BCL2: variants seen among roughly 807,000 people sequenced by gnomAD.
BCL2 encodes the protein BCL2 apoptosis regulator.
In BCL2, 1 loss-of-function variant was observed where a neutral mutation model predicts 14.2. The ratio of observed to expected loss-of-function variants is 0.07; its 90% CI spans 0.02 to 0.33. The LOEUF is 0.33. Among genes scored for constraint, BCL2 ranks in the 10% least tolerant of loss-of-function variants. BCL2 has a pLI of 0.99. For missense variants in BCL2, 247 were observed against 305.9 expected (o/e 0.81, Z 1.44); for synonymous variants, 151 against 137.2 (o/e 1.10, Z -0.70).
intron 2 of BCL2, among the ~76,000 whole-genome samples, chr18:63,148,582 C>T (rs913314762): frequency 2.0e-5 from 3 of 152,004 alleles, no homozygotes; most frequent in African/African-American, 7.3e-5. Context: ...CAGGAGTAAA[C>T]CTCTCAATGA....
chr18:63,291,731 T>TC (rs977705807), intron 2 of BCL2, among the ~76,000 whole-genome samples: 19 of 151,968 alleles, frequency 1.3e-4, no homozygotes, highest in African/African-American at 1.9e-4. Flanking sequence ...TATTTCTTTT[T>TC]TTTTTTTTCT....
intron 2 of BCL2, among the ~76,000 whole-genome samples, chr18:63,152,363 C>T (rs2144609476): frequency 6.6e-6 from 1 of 152,308 alleles, no homozygotes; most frequent in East Asian, 1.9e-4. Context: ...CTTGGCAACA[C>T]CTCGTTTGCC....
chr18:63,210,081 C>T (rs569899626), intron 2 of BCL2, among the ~76,000 whole-genome samples: 1 of 152,282 alleles, frequency 6.6e-6, no homozygotes, highest in African/African-American at 2.4e-5. Context: ...AGGAAGAAAC[C>T]ATCCAGCTTG....
rs535733170 is a variant in BCL2, at chr18:63,300,745, G to A, written c.585+17337C>T. ...TAAGATTGTCCTGTGCTACGATCCA[G>A]CGAGAACTCCAGGAGCCGTAGAGAT... is the stretch of plus-strand genomic sequence containing the variant. On this transcript the variant is annotated intron_variant, in intron 2 of 2. Coordinates refer to ENST00000333681, the MANE Select transcript of BCL2 (RefSeq NM_000633.3). Among the ~76,000 whole-genome samples, 3 of 152,250 alleles carry A rather than the reference G, an allele frequency of 2.0e-5. No individual in the cohort carries two copies. The South Asian group carries it at 6.2e-4, about 32-fold the overall frequency.
At chr18:63,165,752 A>G (rs1484646346) in intron 2 of BCL2, among the ~76,000 whole-genome samples, 2 of 143,868 alleles carry the variant, frequency 1.4e-5, no homozygotes, top group East Asian at 4.4e-4. Context: ...AGATTGAGCA[A>G]GACTCTGTCC....
At chr18:63,169,876 T>C (rs1599222660) in intron 2 of BCL2, among the ~76,000 whole-genome samples, 2 of 152,180 alleles carry the variant, frequency 1.3e-5, no homozygotes, top group African/African-American at 2.4e-5. Context: ...ATTCTAATGC[T>C]ATTTAAAATT....
chr18:63,263,384 T>C (rs1599277383), intron 2 of BCL2, among the ~76,000 whole-genome samples: 1 of 152,332 alleles, frequency 6.6e-6, no homozygotes, highest in African/African-American at 2.4e-5. Context: ...CTACAGATTT[T>C]TAAAACCTGT....
intron 2 of BCL2, among the ~76,000 whole-genome samples, chr18:63,241,557 GA>G (rs1911001743): frequency 6.6e-6 from 1 of 152,142 alleles, no homozygotes; most frequent in South Asian, 2.1e-4. Context: ...ACTCTCCTGG[GA>G]AAGGGGAAGA....
At chr18:63,273,744 C>G (rs908681498) in intron 2 of BCL2, among the ~76,000 whole-genome samples, 1 of 152,136 alleles carries the variant, frequency 6.6e-6, no homozygotes, top group Non-Finnish European at 1.5e-5. Flanking sequence ...ACCCACCCCT[C>G]ACAAAGCCTC....
At chr18:63,222,634 G>A (rs1329966779) in intron 2 of BCL2, among the ~76,000 whole-genome samples, 1 of 152,196 alleles carries the variant, frequency 6.6e-6, no homozygotes, top group Non-Finnish European at 1.5e-5. Context: ...ACACAAAACA[G>A]GCCATCAGTG....
chr18:63,199,307 C>T (rs1909615196), intron 2 of BCL2, among the ~76,000 whole-genome samples: 2 of 149,680 alleles, frequency 1.3e-5, no homozygotes, highest in Admixed American at 1.3e-4. Flanking sequence ...CAGAGACACA[C>T]ACATATACTA....
chr18:63,281,743 A>C (rs1912327481), intron 2 of BCL2, among the ~76,000 whole-genome samples: 1 of 151,860 alleles, frequency 6.6e-6, no homozygotes, highest in Non-Finnish European at 1.5e-5. Flanking sequence ...AAAGAAAAAG[A>C]GAGAGGAAAG....
intron 2 of BCL2, among the ~76,000 whole-genome samples, chr18:63,198,346 A>G (rs1199598722): frequency 6.6e-6 from 1 of 151,234 alleles, no homozygotes; most frequent in Non-Finnish European, 1.5e-5. Context: ...ACACAGACAC[A>G]GAGACACACA....
chr18:63,262,156 A>G (rs1599276703), intron 2 of BCL2, among the ~76,000 whole-genome samples: 1 of 152,272 alleles, frequency 6.6e-6, no homozygotes, highest in African/African-American at 2.4e-5. Flanking sequence ...GCTTCAAGTG[A>G]TCCACCTGCC....
Position 63,318,502 on chromosome 18 carries a change from G to A in BCL2, c.165C>T (p.His55=), listed in dbSNP as rs776473075. The change falls in exon 2 of 3, where the codon CAC becomes CAT. Residue 55 remains histidine (H), a synonymous_variant. Transcript: ENST00000333681. This position sits in a 1 kb window ranked among gnomAD's most constrained non-coding sequence, Gnocchi z 7.4. The part of the protein sequence containing the change: ...APGIFSSQPG[H]TPHPAASRDP... The stretch of plus-strand genomic sequence containing the variant: ...CCCGGGATGCGGCTGGATGGGGCGT[G>A]TGCCCGGGCTGGGAGGAGAAGATGC... 1.9e-6 allele frequency: 3 copies of A among 1,538,882 alleles called. No individual in the cohort carries two copies. Among genetic ancestry groups the A allele is most frequent in the Non-Finnish European group, 2.6e-6 (3 of 1,151,308 alleles).
In BCL2 at chr18:63,256,193, T is replaced by G. The variant is rs184108441; in HGVS notation, c.585+61889A>C. On this transcript the variant is annotated intron_variant, in intron 2 of 2. Transcript: ENST00000333681. ...TATATTACCTCAAGCTGGTAAAATA[T>G]ATATGGGAAGACAACATTATGGAAA... Among the ~76,000 whole-genome samples the G allele has an allele frequency of 3.4e-3, 523 of 152,316 alleles. 2 individuals carry two copies. The highest frequency in any genetic ancestry group is 0.017 in the South Asian group (82 of 4,822).
intron 2 of BCL2, among the ~76,000 whole-genome samples, chr18:63,197,233 C>T (rs1461633390): frequency 6.6e-6 from 1 of 152,188 alleles, no homozygotes; most frequent in Non-Finnish European, 1.5e-5. Flanking sequence ...CGGCTAAGCG[C>T]CCCCTGCCAC....
intron 2 of BCL2, among the ~76,000 whole-genome samples, chr18:63,148,465 T>C (rs1385715313): frequency 6.6e-6 from 1 of 152,134 alleles, no homozygotes; most frequent in African/African-American, 2.4e-5. Flanking sequence ...GAAAAGAATA[T>C]AAGAAAACAT....
At chr18:63,226,372 T>G (rs949650432) in intron 2 of BCL2, among the ~76,000 whole-genome samples, 5 of 152,118 alleles carry the variant, frequency 3.3e-5, no homozygotes, top group African/African-American at 4.8e-5. Flanking sequence ...CTTTTCAGCT[T>G]GAGGGTGGGG....
Sources: gnomAD v4.1 joint callset for allele counts (sites outside exome capture counted in the v4.1 genomes callset) on GRCh38, gnomAD v4.1.1 for gene constraint, Gnocchi (gnomAD v3.1) non-coding constraint, MANE v1.5 for transcripts, NCBI Gene and HGNC (gene_info 2026-07-23, HGNC 2026-07-21) for gene names.